The following TASP1 variants were observed in gnomAD, a reference collection of about 807,000 sequenced individuals.
TASP1 encodes taspase 1, also known as threonine aspartase 1.
Under a neutral mutation model 56.6 loss-of-function variants are expected in TASP1, and 16 were observed. That is an observed-to-expected ratio of 0.28 (90% CI 0.19 to 0.43). The LOEUF is 0.43. Among genes scored for constraint, TASP1 ranks in the 20% least tolerant of loss-of-function variants. TASP1 has a pLI of 1.00. For missense variants in TASP1, 393 were observed against 511.6 expected (o/e 0.77, Z 2.24); for synonymous variants, 179 against 184.2 (o/e 0.97, Z 0.23).
At chr20:13,592,494 AG>A (rs1188449529) in intron 4 of TASP1, among the ~76,000 whole-genome samples, 1 of 152,196 alleles carries the variant, frequency 6.6e-6, no homozygotes, top group African/African-American at 2.4e-5. Context: ...CTTAATTATA[AG>A]AGCATAGACA....
chr20:13,429,148 A>G (rs2042715635), intron 12 of TASP1, among the ~76,000 whole-genome samples: 1 of 152,212 alleles, frequency 6.6e-6, no homozygotes, highest in South Asian at 2.1e-4. Flanking sequence ...GTGCTGGCCT[A>G]TGAGAAGGGG....
chr20:13,271,219 G>C, the TASP1 span, among the ~76,000 whole-genome samples: 1 of 152,142 alleles, frequency 6.6e-6, no homozygotes, highest in Non-Finnish European at 1.5e-5. Context: ...ACTTGCCTTG[G>C]ACACCAGAAA....
intron 5 of TASP1, among the ~76,000 whole-genome samples, chr20:13,587,022 T>A (rs1015631598): frequency 6.7e-6 from 1 of 150,210 alleles, no homozygotes; most frequent in Non-Finnish European, 1.5e-5. Flanking sequence ...TTCTAAATCA[T>A]GTCTTAAATG....
the TASP1 span, among the ~76,000 whole-genome samples, chr20:13,187,828 C>T: frequency 1.3e-5 from 2 of 150,386 alleles, no homozygotes; most frequent in East Asian, 3.9e-4. Flanking sequence ...ATAAGGATTA[C>T]AGTGGACTTC....
intron 13 of TASP1, among the ~76,000 whole-genome samples, chr20:13,390,654 G>T (rs1417528883): frequency 6.6e-6 from 1 of 152,186 alleles, no homozygotes; most frequent in Non-Finnish European, 1.5e-5. Context: ...TATTTACTGA[G>T]CATCTGCTAC....
At chr20:13,446,239 A>G (rs2043406617) in intron 11 of TASP1, among the ~76,000 whole-genome samples, 1 of 152,112 alleles carries the variant, frequency 6.6e-6, no homozygotes, top group South Asian at 2.1e-4. Context: ...AAATGTTTCC[A>G]GTGTAGTAAA....
intron 12 of TASP1, among the ~76,000 whole-genome samples, chr20:13,432,579 C>T (rs916219617): frequency 5.9e-5 from 9 of 152,118 alleles, no homozygotes; most frequent in African/African-American, 1.9e-4. Context: ...AGCCTATGTT[C>T]GCCAGGTTTT....
chr20:13,263,481 G>C, the TASP1 span, among the ~76,000 whole-genome samples: 1 of 152,172 alleles, frequency 6.6e-6, no homozygotes, highest in Admixed American at 6.5e-5. Context: ...TCTTAGGAGT[G>C]CTTGCTCCTC....
chr20:13,354,263 A>G, the TASP1 span, among the ~76,000 whole-genome samples: 1 of 152,186 alleles, frequency 6.6e-6, no homozygotes, highest in Non-Finnish European at 1.5e-5. Context: ...AGATGTAGAG[A>G]AAAGAAAGAG....
chr20:13,303,049 A>G, the TASP1 span, among the ~76,000 whole-genome samples: 1 of 152,192 alleles, frequency 6.6e-6, no homozygotes, highest in African/African-American at 2.4e-5. Flanking sequence ...TGTGTTAATC[A>G]TTTTACCACA....
At chr20:13,611,569 T>A (rs750550725) in intron 4 of TASP1, among the ~76,000 whole-genome samples, 5 of 152,150 alleles carry the variant, frequency 3.3e-5, no homozygotes, top group Admixed American at 6.5e-5. Context: ...TTGGTAGAAA[T>A]CCCTATTACA....
At chr20:13,476,633 T>C (rs889135732) in intron 11 of TASP1, among the ~76,000 whole-genome samples, 2 of 152,188 alleles carry the variant, frequency 1.3e-5, no homozygotes, top group African/African-American at 4.8e-5. Flanking sequence ...GAATCTCTCA[T>C]AGTAACCAGC....
chr20:13,603,326 C>A (rs1001309414), intron 4 of TASP1, among the ~76,000 whole-genome samples: 3 of 151,988 alleles, frequency 2.0e-5, no homozygotes, highest in African/African-American at 7.3e-5. Flanking sequence ...CAGCTTGAAT[C>A]CGGCAGTTCA....
chr20:13,353,262 A>C, the TASP1 span, among the ~76,000 whole-genome samples: 2 of 151,882 alleles, frequency 1.3e-5, no homozygotes, highest in Non-Finnish European at 2.9e-5. Flanking sequence ...AAAAAAAAAA[A>C]AAAATGCCTT....
At chr20:13,527,113 T>C (rs962847973) in intron 10 of TASP1, among the ~76,000 whole-genome samples, 2 of 152,048 alleles carry the variant, frequency 1.3e-5, no homozygotes, top group Non-Finnish European at 2.9e-5. Flanking sequence ...ACCCTGGGGC[T>C]GTGGGCAATG....
the TASP1 span, among the ~76,000 whole-genome samples, chr20:13,177,426 G>A: frequency 1.3e-5 from 2 of 152,062 alleles, no homozygotes; most frequent in Admixed American, 6.5e-5. Context: ...AAATCTGTAT[G>A]GAACCATAGA....
chr20:13,111,605 G>T, the TASP1 span, among the ~76,000 whole-genome samples: 4 of 152,166 alleles, frequency 2.6e-5, no homozygotes, highest in Admixed American at 2.0e-4. Flanking sequence ...ACTCTGGGCT[G>T]TCATAACCTC....
the TASP1 span, among the ~76,000 whole-genome samples, chr20:13,360,311 G>A: frequency 0.26 from 36,523 of 138,752 alleles, 4,633 homozygotes; most frequent in African/African-American, 0.45. Context: ...CTGTACTGCC[G>A]CAAAGCTTCA....
the TASP1 span, among the ~76,000 whole-genome samples, chr20:13,357,136 T>C: frequency 1.3e-5 from 2 of 149,044 alleles, no homozygotes; most frequent in East Asian, 1.9e-4. Context: ...ATATAGATGA[T>C]ACTAAATTGT....
Sources: allele counts gnomAD v4.1 joint callset (sites outside exome capture counted in the v4.1 genomes callset), GRCh38; gene constraint gnomAD v4.1.1; transcripts MANE v1.5; gene names NCBI Gene and HGNC (gene_info 2026-07-23, HGNC 2026-07-21).